The following NLGN4X variants were observed in gnomAD, a reference collection of about 807,000 sequenced individuals.
NLGN4X encodes neuroligin-4, X-linked.
Under a neutral mutation model 40.3 loss-of-function variants are expected in NLGN4X, and 3 were observed. That is an observed-to-expected ratio of 0.07 (90% confidence interval 0.03 to 0.19). NLGN4X has a LOEUF of 0.19. Ranked by LOEUF, NLGN4X falls within the 10% of genes least tolerant of loss-of-function variation. NLGN4X has a pLI of 1.00. For synonymous variants in NLGN4X, 270 were observed against 306.8 expected (o/e 0.88, Z 1.25); for missense variants, 382 against 708.3 (o/e 0.54, Z 5.23).
intron 1 of NLGN4X, among the ~76,000 whole-genome samples, chrX:6,212,405 T>C (rs770324359): frequency 4.5e-5 from 5 of 111,260 alleles, no homozygotes; most frequent in African/African-American, 6.5e-5. Flanking sequence ...TTAAAACACA[T>C]CATAAGGTTA....
chrX:6,177,666 A>T (rs1468771587), intron 1 of NLGN4X, among the ~76,000 whole-genome samples: 1 of 111,899 alleles, frequency 8.9e-6, no homozygotes, highest in Non-Finnish European at 1.9e-5. Flanking sequence ...TGAAAATACC[A>T]GGAGACATTA....
rs2369377 is a variant in NLGN4X, at chrX:5,900,595, T to A, written c.1601+2482A>T. Among the ~76,000 whole-genome samples, 125 of 70,467 alleles carry A rather than the reference T, an allele frequency of 1.8e-3. 5 individuals are homozygous for A. Among genetic ancestry groups the A allele is most frequent in the East Asian group, 4.3e-3 (9 of 2,081 alleles). The allele number at this position is 70,467 out of a possible 115,157, so 61.2% of individuals were successfully genotyped here. On this transcript the variant is annotated intron_variant, in intron 5 of 5. Coordinates refer to ENST00000381095, the MANE Select transcript of NLGN4X (RefSeq NM_181332.3). ...TTTTTTTTTTTTTTTTTTTTAAAGA[T>A]AAAGGTTTCGGTCTGTCACCCAGGT...
At chrX:5,964,661 C>A (rs982996716) in intron 3 of NLGN4X, among the ~76,000 whole-genome samples, 1 of 109,533 alleles carries the variant, frequency 9.1e-6, no homozygotes, top group African/African-American at 3.3e-5. Context: ...CACATGCCAC[C>A]ATGACTGGCT....
intron 3 of NLGN4X, among the ~76,000 whole-genome samples, chrX:5,923,043 C>T (rs2033135888): frequency 9.0e-6 from 1 of 111,509 alleles, no homozygotes; most frequent in Admixed American, 9.5e-5. Context: ...TAATTATCAC[C>T]ACTACCTATT....
At chrX:5,963,132 T>C (rs1451063833) in intron 3 of NLGN4X, among the ~76,000 whole-genome samples, 1 of 109,993 alleles carries the variant, frequency 9.1e-6, no homozygotes, top group African/African-American at 3.3e-5. Flanking sequence ...GAATAGACCT[T>C]TGAAGGTGAT....
rs142977979 is a variant in NLGN4X at position 6,166,781 on chromosome X, G to A, written c.-305-15010C>T. ...ACCTGCCCTGAGCATAAGTACTTGA[G>A]AATAAATGGGTCAGGCAACATGGCT... On this transcript the variant is annotated intron_variant, in intron 1 of 5. Coordinates refer to ENST00000381095, the MANE Select transcript of NLGN4X (RefSeq NM_181332.3). Among the ~76,000 whole-genome samples the A allele has an allele frequency of 8.5e-3, 943 of 111,253 alleles. 6 individuals are homozygous for A. The highest frequency in any genetic ancestry group is 0.027 in the African/African-American group (829 of 30,638).
At chrX:6,006,433 T>C (rs964117461) in intron 3 of NLGN4X, among the ~76,000 whole-genome samples, 2 of 110,830 alleles carry the variant, frequency 1.8e-5, no homozygotes, top group African/African-American at 6.5e-5. Context: ...CCACTAATAG[T>C]CCCAAATTTT....
intron 3 of NLGN4X, among the ~76,000 whole-genome samples, chrX:6,007,489 A>G (rs1290882449): frequency 1.8e-5 from 2 of 112,593 alleles, no homozygotes; most frequent in Non-Finnish European, 3.8e-5. Context: ...ATTTTTAAAT[A>G]AAAAATAAAA....
intron 3 of NLGN4X, among the ~76,000 whole-genome samples, chrX:5,965,875 A>G (rs969361698): frequency 8.9e-6 from 1 of 112,119 alleles, no homozygotes; most frequent in African/African-American, 3.2e-5. Flanking sequence ...GAATGAGAGG[A>G]AAGTTTCTTT....
intron 2 of NLGN4X, among the ~76,000 whole-genome samples, chrX:6,060,486 C>A (rs987055268): frequency 7.2e-5 from 8 of 111,847 alleles, no homozygotes; most frequent in Non-Finnish European, 1.5e-4. Flanking sequence ...ATCATGCTGA[C>A]TTATCTCACA....
intron 3 of NLGN4X, among the ~76,000 whole-genome samples, chrX:5,995,835 G>A (rs1470245787): frequency 1.8e-5 from 2 of 111,839 alleles, no homozygotes; most frequent in Non-Finnish European, 1.9e-5. Flanking sequence ...TCTGGATCCA[G>A]TGCCCATCCT....
intron 3 of NLGN4X, among the ~76,000 whole-genome samples, chrX:6,015,444 T>A (rs182175774): frequency 0.013 from 1,499 of 111,628 alleles, 16 homozygotes; most frequent in Non-Finnish European, 0.021. Flanking sequence ...AGTATTTTTT[T>A]AAATCCAGGG....
chrX:5,986,422 CCT>C (rs1480470695), intron 3 of NLGN4X, among the ~76,000 whole-genome samples: 7 of 110,252 alleles, frequency 6.3e-5, no homozygotes, highest in African/African-American at 2.3e-4. Flanking sequence ...AAATATATTC[CCT>C]GTGTGGTTTC....
At position 6,155,564 on chromosome X, in the gene NLGN4X, C is replaced by T. The variant is rs766320673; in HGVS notation, c.-305-3793G>A. 5.4e-5 allele frequency among the ~76,000 whole-genome samples: 6 copies of T among 111,843 alleles called. No homozygotes were observed. In the East Asian group the frequency reaches 1.7e-3, roughly 32 times the overall value. Reference sequence around the variant, plus strand: ...ATGAATGACCACTCTCCACGCATGGCCATGCATGCATGCACACACAAGTCC... The same window carrying T: ...ATGAATGACCACTCTCCACGCATGGTCATGCATGCATGCACACACAAGTCC... On this transcript the variant is annotated intron_variant, in intron 1 of 5. Coordinates refer to ENST00000381095, the MANE Select transcript of NLGN4X (RefSeq NM_181332.3).
intron 3 of NLGN4X, among the ~76,000 whole-genome samples, chrX:5,970,589 C>T (rs1039604717): frequency 2.8e-4 from 31 of 111,502 alleles, no homozygotes; most frequent in African/African-American, 1.0e-3. Context: ...ATACTTTCAT[C>T]CCTACCTCAA....
At chrX:6,094,635 T>G (rs1259368957) in intron 2 of NLGN4X, among the ~76,000 whole-genome samples, 1 of 111,217 alleles carries the variant, frequency 9.0e-6, no homozygotes, top group African/African-American at 3.3e-5. Context: ...TTCACATTTC[T>G]GTTATGGGGT....
intron 2 of NLGN4X, among the ~76,000 whole-genome samples, chrX:6,073,255 C>G (rs912398961): frequency 8.9e-6 from 1 of 112,092 alleles, no homozygotes; most frequent in African/African-American, 3.2e-5. Flanking sequence ...TTCCCTTACA[C>G]TAGAAACTGA....
chrX:5,941,180 G>GC (rs1569143828), intron 3 of NLGN4X, among the ~76,000 whole-genome samples: 10 of 58,625 alleles, frequency 1.7e-4, no homozygotes, highest in African/African-American at 5.8e-4. Flanking sequence ...TATGCTAGGG[G>GC]GTGTGTGTGT....
chrX:6,001,157 T>C (rs1318428343), intron 3 of NLGN4X, among the ~76,000 whole-genome samples: 1 of 111,437 alleles, frequency 9.0e-6, no homozygotes, highest in East Asian at 2.8e-4. Flanking sequence ...CAGGATTCAA[T>C]TACTTCCCAC....
Sources: allele counts gnomAD v4.1 joint callset (sites outside exome capture counted in the v4.1 genomes callset), GRCh38; gene constraint gnomAD v4.1.1; transcripts MANE v1.5; gene names NCBI Gene and HGNC (gene_info 2026-07-23, HGNC 2026-07-21).